Variants in DDAH1 observed in about 807,000 individuals in gnomAD.
The protein encoded by DDAH1 is N(G),N(G)-dimethylarginine dimethylaminohydrolase 1.
A neutral mutation model predicts 28.8 loss-of-function variants in DDAH1; 19 were observed. The ratio of observed to expected loss-of-function variants is 0.66; its 90% confidence interval spans 0.46 to 0.97. The LOEUF (loss-of-function observed/expected upper bound fraction) is 0.97, where lower values mean the gene tolerates loss of function less well. Ranked by LOEUF, DDAH1 falls within the 50% of genes least tolerant of loss-of-function variation. The pLI, the probability that DDAH1 is intolerant of heterozygous loss-of-function variation, is 0.00. For synonymous variants in DDAH1, 153 were observed against 154.4 expected, an observed-to-expected ratio of 0.99 and a Z score of 0.07; for missense variants, 326 against 375.9, an observed-to-expected ratio of 0.87 and a Z score of 1.10.
chr1:85,424,744 A>G (rs1208373673), intron 1 of DDAH1, among the ~76,000 whole-genome samples: 5 of 152,052 alleles, frequency 3.3e-5, no homozygotes, highest in African/African-American at 9.7e-5. Flanking sequence ...GTGCTGTGTT[A>G]TTAAATTTAA....
intron 1 of DDAH1, among the ~76,000 whole-genome samples, chr1:85,566,929 C>A (rs560503081): frequency 1.7e-4 from 26 of 152,278 alleles, no homozygotes; most frequent in African/African-American, 5.8e-4. Flanking sequence ...TGGTGTAGTT[C>A]CAGCCTGAAG....
At position 85,464,069 on chromosome 1, in the gene DDAH1, G is replaced by C. The variant is rs190932178; in HGVS notation, c.303+674C>G. On this transcript the variant is annotated intron_variant, in intron 1 of 5. Coordinates refer to ENST00000284031, the MANE Select transcript of DDAH1 (RefSeq NM_012137.4). The surrounding 1 kb of genome is among the most constrained non-coding windows in gnomAD (Gnocchi z 4.4). ...GAAACAACCATCTCTAATTAAACACGCTCGCTAGCACACACACCCAACACC... is the reference window on the plus strand; with the variant it reads ...GAAACAACCATCTCTAATTAAACACCCTCGCTAGCACACACACCCAACACC... 6.6e-6 allele frequency among the ~76,000 whole-genome samples: 1 copy of C among 152,152 alleles called. No individual in the cohort carries two copies. The highest frequency in any genetic ancestry group is 1.5e-5 in the Non-Finnish European group (1 of 68,022).
At chr1:85,417,511 T>C (rs1652937513) in intron 1 of DDAH1, among the ~76,000 whole-genome samples, 1 of 152,206 alleles carries the variant, frequency 6.6e-6, no homozygotes, top group Admixed American at 6.5e-5. Flanking sequence ...TACAGCTCAG[T>C]TGACTGAGAA....
intron 1 of DDAH1, among the ~76,000 whole-genome samples, chr1:85,428,915 T>C (rs1653538935): frequency 6.6e-6 from 1 of 151,986 alleles, no homozygotes; most frequent in South Asian, 2.1e-4. Context: ...CATGAGGAAG[T>C]GAAACAAGCC....
At chr1:85,562,301 T>C (rs1659164261) in intron 1 of DDAH1, among the ~76,000 whole-genome samples, 1 of 152,206 alleles carries the variant, frequency 6.6e-6, no homozygotes, top group Non-Finnish European at 1.5e-5. Flanking sequence ...TACTTGAGGA[T>C]ATTTAAAGAT....
Position 85,464,745 on chromosome 1 carries a change from C to G in DDAH1, c.301G>C (p.Glu101Gln), listed in dbSNP as rs762925431. The G allele has an allele frequency of 6.5e-7, 1 of 1,537,954 alleles. No individual in the cohort carries two copies. Among genetic ancestry groups the G allele is most frequent in the Non-Finnish European group, 8.7e-7 (1 of 1,148,660 alleles). ...GCGCCCCTCGAGTCGGCAGTTACCT[C>G]CTTCCTCCGGCTCGGCGCCCCGGGT... ...TRPGAPSRRK[E>Q]VDMMKEALEK... The change falls in exon 1 of 6, where the codon GAG (glutamate) becomes CAG (glutamine). Residue 101 changes from glutamate to glutamine, a missense_variant and splice_region_variant. Coordinates refer to ENST00000284031, the MANE Select transcript of DDAH1 (RefSeq NM_012137.4). The surrounding 1 kb of genome is among the most constrained non-coding windows in gnomAD (Gnocchi z 4.4).
In DDAH1 at chr1:85,351,509, A is replaced by G; in HGVS notation, c.474T>C (p.Phe158=). 6.2e-7 allele frequency: 1 copy of G among 1,613,852 alleles called. No individual in the cohort carries two copies. Among genetic ancestry groups the G allele is most frequent in the African/African-American group, 1.3e-5 (1 of 75,034 alleles). ...QRGAEILADT[F]KDYAVSTVPV... The stretch of plus-strand genomic sequence containing the variant: ...GCATAAACTACCTTTTACCTACCTT[A>G]AAAGTATCAGCCAAGATTTCAGCAC... Residue 158 remains phenylalanine, a synonymous_variant, in exon 3 of 6, where the codon TTT becomes TTC. Transcript: ENST00000284031.
chr1:85,522,530 A>T (rs1657726827), intron 1 of DDAH1, among the ~76,000 whole-genome samples: 1 of 151,408 alleles, frequency 6.6e-6, no homozygotes, highest in Admixed American at 6.6e-5. Flanking sequence ...AACATTTGAG[A>T]ACAAGTAATT....
intron 1 of DDAH1, among the ~76,000 whole-genome samples, chr1:85,371,316 T>G (rs1030099541): frequency 1.8e-4 from 28 of 152,186 alleles, no homozygotes; most frequent in African/African-American, 6.8e-4. Context: ...AAATTCAGTT[T>G]TGTAGATGCT....
intron 2 of DDAH1, among the ~76,000 whole-genome samples, chr1:85,479,159 C>CTTTTTTTTTTTTT (rs35629726): frequency 1.4e-4 from 11 of 78,618 alleles, no homozygotes; most frequent in African/African-American, 3.2e-4. Context: ...TTCTGTTTTT[C>CTTTTTTTTTTTTT]TTTTTTTTTT....
chr1:85,569,289 G>A (rs997562660), intron 1 of DDAH1, among the ~76,000 whole-genome samples: 16 of 152,184 alleles, frequency 1.1e-4, no homozygotes, highest in East Asian at 1.9e-4. Flanking sequence ...GAAGCAGTCT[G>A]CCCATTCTTT....
At chr1:85,426,947 GA>G (rs1653431231) in intron 1 of DDAH1, among the ~76,000 whole-genome samples, 1 of 129,650 alleles carries the variant, frequency 7.7e-6, no homozygotes, top group South Asian at 2.5e-4. Flanking sequence ...AAAGGAAAAA[GA>G]AAAATAAATT....
chr1:85,554,877 T>C (rs1358816760), intron 1 of DDAH1, among the ~76,000 whole-genome samples: 1 of 152,236 alleles, frequency 6.6e-6, no homozygotes. Context: ...CTCAGTACTC[T>C]TGACTACTAG....
intron 1 of DDAH1, among the ~76,000 whole-genome samples, chr1:85,385,246 T>C (rs1570466194): frequency 6.6e-6 from 1 of 152,272 alleles, no homozygotes. Context: ...CACAGAACCA[T>C]AGCTATAGCC....
intron 1 of DDAH1, among the ~76,000 whole-genome samples, chr1:85,389,243 A>T (rs1010194145): frequency 1.3e-5 from 2 of 152,180 alleles, no homozygotes; most frequent in Admixed American, 6.5e-5. Context: ...CAAAACAAAC[A>T]AACAAACAAA....
At chr1:85,366,331 C>T (rs1236328019) in intron 1 of DDAH1, among the ~76,000 whole-genome samples, 1 of 152,084 alleles carries the variant, frequency 6.6e-6, no homozygotes, top group Non-Finnish European at 1.5e-5. Flanking sequence ...TTTGTTATAA[C>T]TTTTACATGA....
At chr1:85,487,692 C>T (rs1656250992) in intron 2 of DDAH1, among the ~76,000 whole-genome samples, 1 of 152,136 alleles carries the variant, frequency 6.6e-6, no homozygotes, top group African/African-American at 2.4e-5. Context: ...TGTCTCCTTT[C>T]CTCCCTTATT....
chr1:85,361,530 A>G (rs1223794124), intron 1 of DDAH1, among the ~76,000 whole-genome samples: 1 of 152,214 alleles, frequency 6.6e-6, no homozygotes, highest in African/African-American at 2.4e-5. Flanking sequence ...CCACAAAATT[A>G]GAAATAAAAA....
Position 85,351,614 on chromosome 1 carries a change from G to A in DDAH1, c.404-35C>T, listed in dbSNP as rs372531939. 10 of 1,481,036 alleles carry A rather than the reference G, an allele frequency of 6.8e-6. No homozygotes were observed. In the African/African-American group the frequency reaches 1.2e-4, roughly 18 times the overall value. 91.7% of individuals were successfully genotyped at this position (1,481,036 alleles called of 1,614,324 possible). On this transcript the variant is annotated intron_variant, in intron 2 of 5. Transcript: ENST00000284031. ...ATGTCATGGAACATAGTGAGCAGGT[G>A]GCACCAGTGACTGTACATCATTTCT...
Sources: gnomAD v4.1 joint callset for allele counts (sites outside exome capture counted in the v4.1 genomes callset) on GRCh38, gnomAD v4.1.1 for gene constraint, Gnocchi (gnomAD v3.1) non-coding constraint, MANE v1.5 for transcripts, NCBI Gene and HGNC (gene_info 2026-07-23, HGNC 2026-07-21) for gene names.